GALNT18: variants seen among roughly 807,000 people sequenced by gnomAD.
GALNT18 encodes the protein GalNAc-transferase 18.
Under a neutral mutation model 69.5 loss-of-function variants are expected in GALNT18, and 44 were observed. The ratio of observed to expected loss-of-function variants is 0.63; its 90% CI spans 0.50 to 0.81. The LOEUF is 0.81. Among genes scored for constraint, GALNT18 ranks in the 40% least tolerant of loss-of-function variants. The pLI, the probability that GALNT18 is intolerant of heterozygous loss-of-function variation, is 0.00. For synonymous variants in GALNT18, 364 were observed against 318.2 expected (o/e 1.14, Z -1.53); for missense variants, 715 against 810.0 (o/e 0.88, Z 1.42).
At chr11:11,574,996 T>C (rs1191505146) in intron 1 of GALNT18, among the ~76,000 whole-genome samples, 3 of 152,232 alleles carry the variant, frequency 2.0e-5, no homozygotes. Context: ...GTATTTGGGT[T>C]CATCTATCTA....
intron 10 of GALNT18, among the ~76,000 whole-genome samples, chr11:11,285,387 CAG>C (rs1228267071): frequency 1.3e-5 from 2 of 152,246 alleles, no homozygotes; most frequent in African/African-American, 2.4e-5. Context: ...ATTTATAAAA[CAG>C]AGTAGTGCAG....
At chr11:11,518,351 G>A (rs182811581) in intron 1 of GALNT18, among the ~76,000 whole-genome samples, 6 of 152,312 alleles carry the variant, frequency 3.9e-5, no homozygotes, top group Admixed American at 2.6e-4. Flanking sequence ...TAACACAACC[G>A]TGGATCACTT....
intron 1 of GALNT18, among the ~76,000 whole-genome samples, chr11:11,534,090 G>A (rs968329188): frequency 4.6e-5 from 7 of 152,206 alleles, no homozygotes; most frequent in South Asian, 2.1e-4. Context: ...TATAGAGGTC[G>A]AGTGGCTTGC....
chr11:11,287,134 G>C (rs1009662892), intron 10 of GALNT18, among the ~76,000 whole-genome samples: 1 of 152,186 alleles, frequency 6.6e-6, no homozygotes, highest in Non-Finnish European at 1.5e-5. Flanking sequence ...GGACAACCCT[G>C]CTGGGCCCTT....
rs988930371 is a variant in GALNT18 at position 11,340,036 on chromosome 11, A to G, written c.1278+783T>C. ...GATAGCTCTGTCTCACACAGAATGC[A>G]ACATAAGCAATGAACTCTAGGCAGA... On this transcript the variant is annotated intron_variant, in intron 7 of 10. Coordinates refer to ENST00000227756, the MANE Select transcript of GALNT18 (RefSeq NM_198516.3). This position sits in a 1 kb window ranked among gnomAD's most constrained non-coding sequence, Gnocchi z 4.2. Among the ~76,000 whole-genome samples, 2 of 152,212 alleles carry G rather than the reference A, an allele frequency of 1.3e-5. No homozygotes were observed. Among genetic ancestry groups the G allele is most frequent in the Non-Finnish European group, 2.9e-5 (2 of 68,030 alleles).
intron 9 of GALNT18, among the ~76,000 whole-genome samples, chr11:11,317,879 T>C (rs1179686279): frequency 6.6e-6 from 1 of 152,352 alleles, no homozygotes; most frequent in Non-Finnish European, 1.5e-5. Flanking sequence ...AAGGAGAAAC[T>C]GGAAGTCAAA....
At chr11:11,283,880 A>C (rs1160673485) in intron 10 of GALNT18, among the ~76,000 whole-genome samples, 2 of 152,198 alleles carry the variant, frequency 1.3e-5, no homozygotes, top group Non-Finnish European at 2.9e-5. Flanking sequence ...GAAAAAAATC[A>C]AATTTGAATG....
At chr11:11,331,174 GA>G (rs1268980242) in intron 8 of GALNT18, among the ~76,000 whole-genome samples, 7 of 152,198 alleles carry the variant, frequency 4.6e-5, no homozygotes, top group African/African-American at 1.7e-4. Context: ...AGGATCTGGA[GA>G]CTCAGGTACT....
At chr11:11,331,443 C>T (rs1003180402) in intron 8 of GALNT18, among the ~76,000 whole-genome samples, 2 of 152,106 alleles carry the variant, frequency 1.3e-5, no homozygotes, top group Non-Finnish European at 2.9e-5. Flanking sequence ...AGTTGGGGGG[C>T]ACATAGGGAG....
rs375265606 is a variant in GALNT18 at position 11,555,130 on chromosome 11, G to A, written c.235+66229C>T. ...AGAGGCTAAGAAATTCGGAGTCATC[G>A]GGACTTGAACTAAGGACTCTGAATG... On this transcript the variant is annotated intron_variant, in intron 1 of 10. Transcript: ENST00000227756. This position sits in a 1 kb window ranked among gnomAD's most constrained non-coding sequence, Gnocchi z 4.7. Among the ~76,000 whole-genome samples the A allele has an allele frequency of 6.6e-6, 1 of 152,122 alleles. No individual in the cohort carries two copies. The highest frequency in any genetic ancestry group is 1.5e-5 in the Non-Finnish European group (1 of 68,014).
intron 10 of GALNT18, among the ~76,000 whole-genome samples, chr11:11,271,605 G>GGGCTGGGTCTTGTTCCCCATAGCCATC (rs146486599): frequency 2.0e-5 from 3 of 151,210 alleles, no homozygotes; most frequent in African/African-American, 4.8e-5. Flanking sequence ...CCTACCCCAG[G>GGGCTGGGTCTTGTTCCCCATAGCCATC]GGCTGGGTCC....
rs988268608 is a variant in GALNT18, at chr11:11,543,678, G to A, written c.235+77681C>T. The stretch of plus-strand genomic sequence containing the variant: ...CCCTCGCCACCCACTGACCTGATGC[G>A]AATCCCATCCATCCCTAGGACCTAG... On this transcript the variant is annotated intron_variant, in intron 1 of 10. Coordinates refer to ENST00000227756, the MANE Select transcript of GALNT18 (RefSeq NM_198516.3). This position sits in a 1 kb window ranked among gnomAD's most constrained non-coding sequence, Gnocchi z 5.1. Among the ~76,000 whole-genome samples, 6 of 152,182 alleles carry A rather than the reference G, an allele frequency of 3.9e-5. No individual in the cohort carries two copies. Among genetic ancestry groups the A allele is most frequent in the African/African-American group, 1.2e-4 (5 of 41,442 alleles).
intron 2 of GALNT18, among the ~76,000 whole-genome samples, chr11:11,447,822 GA>G (rs1564954164): frequency 6.6e-6 from 1 of 152,184 alleles, no homozygotes; most frequent in Non-Finnish European, 1.5e-5. Context: ...GGGATTATGG[GA>G]ACTACAATTC....
At chr11:11,277,061 G>A (rs186534264) in intron 10 of GALNT18, among the ~76,000 whole-genome samples, 1 of 152,210 alleles carries the variant, frequency 6.6e-6, no homozygotes, top group African/African-American at 2.4e-5. Flanking sequence ...TTTTTCTATT[G>A]ATTGGAATAG....
In GALNT18 at chr11:11,389,537, C is replaced by T. The variant is rs907742327; in HGVS notation, c.596-10273G>A. On this transcript the variant is annotated intron_variant, in intron 3 of 10. Coordinates refer to ENST00000227756, the MANE Select transcript of GALNT18 (RefSeq NM_198516.3). This position sits in a 1 kb window ranked among gnomAD's most constrained non-coding sequence, Gnocchi z 4.3. The stretch of plus-strand genomic sequence containing the variant: ...TACAGAGCAAGAACTACTCCTGCTA[C>T]TCTGAGGAGGGTATGCAGCAGGAAT... Among the ~76,000 whole-genome samples, 2 of 152,200 alleles carry T rather than the reference C, an allele frequency of 1.3e-5. No homozygotes were observed. Among genetic ancestry groups the T allele is most frequent in the African/African-American group, 4.8e-5 (2 of 41,436 alleles).
At chr11:11,331,988 G>T (rs1184841855) in intron 8 of GALNT18, among the ~76,000 whole-genome samples, 3 of 152,046 alleles carry the variant, frequency 2.0e-5, no homozygotes, top group African/African-American at 7.2e-5. Flanking sequence ...TCTGTCTAAG[G>T]TTACATATCT....
At position 11,612,697 on chromosome 11, in the gene GALNT18, A is replaced by C. The variant is rs1859939345; in HGVS notation, c.235+8662T>G. ...AGAGCTTGTTAAGATGCAGCACTCA[A>C]CAATCTTAATCAGGGAACTCTGCTC... On this transcript the variant is annotated intron_variant, in intron 1 of 10. Transcript: ENST00000227756. Among the ~76,000 whole-genome samples, 6 of 152,368 alleles carry C rather than the reference A, an allele frequency of 3.9e-5. No individual in the cohort carries two copies. The South Asian group carries it at 1.2e-3, about 32-fold the overall frequency.
At chr11:11,525,441 C>A (rs1857497098) in intron 1 of GALNT18, among the ~76,000 whole-genome samples, 1 of 152,032 alleles carries the variant, frequency 6.6e-6, no homozygotes, top group African/African-American at 2.4e-5. Context: ...CAAAAAAGTT[C>A]ACGAAACATT....
intron 3 of GALNT18, among the ~76,000 whole-genome samples, chr11:11,411,055 G>A (rs1231932238): frequency 6.6e-6 from 1 of 152,232 alleles, no homozygotes; most frequent in Non-Finnish European, 1.5e-5. Context: ...GCTCATGCCT[G>A]TAATCCCAGC....
Sources: allele counts gnomAD v4.1 joint callset (sites outside exome capture counted in the v4.1 genomes callset), GRCh38; gene constraint gnomAD v4.1.1; non-coding constraint Gnocchi (gnomAD v3.1); transcripts MANE v1.5; gene names NCBI Gene and HGNC (gene_info 2026-07-23, HGNC 2026-07-21).